The following XIRP2 variants were observed in gnomAD, a reference collection of about 807,000 sequenced individuals.
XIRP2 encodes xin actin-binding repeat-containing protein 2.
A neutral mutation model predicts 277.0 loss-of-function variants in XIRP2; 236 were observed. The observed-to-expected ratio is 0.85, with a 90% CI of 0.77 to 0.95. The LOEUF (loss-of-function observed/expected upper bound fraction) is 0.95. XIRP2 is among the 40% of genes least tolerant of loss of function. The pLI, the probability that XIRP2 is intolerant of heterozygous loss-of-function variation, is 0.00. For synonymous variants in XIRP2, 1,490 were observed against 1,416.5 expected (o/e 1.05, Z -1.17); for missense variants, 4,640 against 4,157.5 (o/e 1.12, Z -3.19).
At chr2:167,211,702 T>C (rs1311675942) in intron 4 of XIRP2, among the ~76,000 whole-genome samples, 9 of 152,284 alleles carry the variant, frequency 5.9e-5, no homozygotes. Flanking sequence ...CGTTTCTCTG[T>C]ATGCACTAAA....
chr2:167,230,626 C>A (rs1307370685), intron 5 of XIRP2, among the ~76,000 whole-genome samples: 1 of 151,988 alleles, frequency 6.6e-6, no homozygotes, highest in Non-Finnish European at 1.5e-5. Context: ...CATGATATAT[C>A]TTTGATATTT....
chr2:166,980,591 T>C (rs1273624849), intron 2 of XIRP2, among the ~76,000 whole-genome samples: 1 of 152,090 alleles, frequency 6.6e-6, no homozygotes, highest in African/African-American at 2.4e-5. Context: ...TAATTTTTTG[T>C]ACTTTTAGTA....
At chr2:167,134,076 G>T (rs1230980559) in intron 2 of XIRP2, among the ~76,000 whole-genome samples, 2 of 151,900 alleles carry the variant, frequency 1.3e-5, no homozygotes, top group Non-Finnish European at 2.9e-5. Flanking sequence ...ATCCAAAGAT[G>T]ATATGATTAC....
rs568154865 is a variant in XIRP2, at chr2:167,012,790, A to G, written c.408+108900A>G. ...AGAGATGATACACAACATTCTTCCT[A>G]TGTTTTGAAATCTAACTTCCCATAA... On this transcript the variant is annotated intron_variant, in intron 2 of 10. Transcript: ENST00000409195. Among the ~76,000 whole-genome samples the G allele has an allele frequency of 2.6e-5, 4 of 151,632 alleles. No individual in the cohort carries two copies. The South Asian group carries it at 6.2e-4, about 24-fold the overall frequency.
chr2:167,138,058 T>C (rs1691606346), intron 3 of XIRP2, among the ~76,000 whole-genome samples: 1 of 152,190 alleles, frequency 6.6e-6, no homozygotes, highest in South Asian at 2.1e-4. Flanking sequence ...TTTATTTTAT[T>C]CCAAAAAGAT....
chr2:167,135,730 T>A (rs1022584223), intron 2 of XIRP2, among the ~76,000 whole-genome samples, 179 bp from the exon 3 acceptor site: 4 of 152,144 alleles, frequency 2.6e-5, no homozygotes, highest in African/African-American at 9.7e-5. Context: ...AACTAAGCGT[T>A]CAGATATATG....
intron 3 of XIRP2, among the ~76,000 whole-genome samples, chr2:167,170,585 T>C (rs1453098033): frequency 2.7e-5 from 4 of 149,958 alleles, no homozygotes; most frequent in Non-Finnish European, 5.9e-5. Flanking sequence ...GTCTATTTAC[T>C]GACAAAAAAT....
At chr2:166,957,650 T>C (rs1686195940) in intron 2 of XIRP2, among the ~76,000 whole-genome samples, 1 of 151,808 alleles carries the variant, frequency 6.6e-6, no homozygotes, top group African/African-American at 2.4e-5. Context: ...AGCAAAGTGT[T>C]GCATCCTATG....
intron 2 of XIRP2, among the ~76,000 whole-genome samples, chr2:166,933,987 G>C (rs1280015798): frequency 6.6e-6 from 1 of 151,924 alleles, no homozygotes; most frequent in Non-Finnish European, 1.5e-5. Context: ...ACAAAATGCA[G>C]GTTAGTTGAG....
chr2:166,938,633 T>C (rs1344176135), intron 2 of XIRP2, among the ~76,000 whole-genome samples: 1 of 152,120 alleles, frequency 6.6e-6, no homozygotes, highest in African/African-American at 2.4e-5. Context: ...GAGCTGAGTT[T>C]AATTCCTGGA....
intron 2 of XIRP2, among the ~76,000 whole-genome samples, chr2:167,027,945 A>G (rs940687489): frequency 2.6e-5 from 4 of 152,204 alleles, no homozygotes; most frequent in East Asian, 3.9e-4. Context: ...AGTCATGTCA[A>G]TAAATGTACA....
rs749945570 is a variant in XIRP2, at chr2:167,251,444, AT to A, written c.10053del (p.Asn3351LysfsTer28). ...EHGPVSEAKS[N>X]RRVYAKGETN... ...GGCCCAGTTTCTGAAGCAAAGTCAA[AT>A]AGAAGAGTTTATGCAAAGGGAGAAA... On this transcript the variant is annotated frameshift_variant, in exon 9 of 11. Transcript: ENST00000409195. LOFTEE classifies it high-confidence loss of function. 10 of 1,613,642 alleles carry A rather than the reference AT, an allele frequency of 6.2e-6. No homozygotes were observed. The South Asian group carries it at 1.1e-4, about 18-fold the overall frequency.
In XIRP2 at chr2:167,248,201, C is replaced by T; in HGVS notation, c.6809C>T (p.Ser2270Phe). Residue 2270 changes from serine to phenylalanine, a missense_variant, in exon 9 of 11, where the codon TCC becomes TTC. By Grantham distance (155) the Ser-to-Phe change is radical. Coordinates refer to ENST00000409195, the MANE Select transcript of XIRP2 (RefSeq NM_152381.6). ...GGCTTAAAAATGGCAATGGAAAGGT[C>T]CTTGAATCCAATCAACTTTAACCCT... The part of the protein sequence containing the change: ...STGLKMAMER[S>F]LNPINFNPEN... The T allele has an allele frequency of 1.9e-6, 3 of 1,613,740 alleles. No homozygotes were observed. The highest frequency in any genetic ancestry group is 2.5e-6 in the Non-Finnish European group (3 of 1,179,788).
chr2:167,028,380 G>A lies in XIRP2; in HGVS notation c.409-107529G>A, dbSNP rs1343189706. On this transcript the variant is annotated intron_variant, in intron 2 of 10. Coordinates refer to ENST00000409195, the MANE Select transcript of XIRP2 (RefSeq NM_152381.6). ...CATACTGAGAGACTCCATTTGTTGAGCAGAAACTAAGAGAAGAGAGCAAAA... is the reference window on the plus strand; with the variant it reads ...CATACTGAGAGACTCCATTTGTTGAACAGAAACTAAGAGAAGAGAGCAAAA... Among the ~76,000 whole-genome samples, 14 of 151,960 alleles carry A rather than the reference G, an allele frequency of 9.2e-5. No homozygotes were observed. In the East Asian group the frequency reaches 2.7e-3, roughly 29 times the overall value.
chr2:167,241,645 A>AG, intron 7 of XIRP2, 132 bp from the exon 8 acceptor site: 1 of 1,024,894 alleles, frequency 9.8e-7, no homozygotes, highest in Non-Finnish European at 1.4e-6. Flanking sequence ...CTTGGGCTCA[A>AG]GTAATCTTCG....
chr2:166,922,400 T>C (rs910830520), intron 2 of XIRP2, among the ~76,000 whole-genome samples: 12 of 152,278 alleles, frequency 7.9e-5, no homozygotes, highest in African/African-American at 2.9e-4. Flanking sequence ...CCATAAAATA[T>C]AAAATATGCA....
chr2:167,027,855 A>G (rs1287204022), intron 2 of XIRP2, among the ~76,000 whole-genome samples: 1 of 152,068 alleles, frequency 6.6e-6, no homozygotes, highest in Non-Finnish European at 1.5e-5. Context: ...TTTCATTAGT[A>G]CTCAAATAAT....
At chr2:167,204,353 T>C (rs1693799955) in intron 3 of XIRP2, among the ~76,000 whole-genome samples, 1 of 152,184 alleles carries the variant, frequency 6.6e-6, no homozygotes, top group Non-Finnish European at 1.5e-5. Flanking sequence ...ATCTCTTTGT[T>C]GTTTGGCTTT....
chr2:167,000,902 C>T (rs1558942734), intron 2 of XIRP2, among the ~76,000 whole-genome samples: 1 of 151,982 alleles, frequency 6.6e-6, no homozygotes, highest in Non-Finnish European at 1.5e-5. Flanking sequence ...GAAAGTCTGA[C>T]CAGGTGCAGT....
Sources: allele counts gnomAD v4.1 joint callset (sites outside exome capture counted in the v4.1 genomes callset), GRCh38; gene constraint gnomAD v4.1.1; transcripts MANE v1.5; gene names NCBI Gene and HGNC (gene_info 2026-07-23, HGNC 2026-07-21).